Variants in NECTIN3 observed in about 807,000 individuals in gnomAD.
NECTIN3 encodes nectin-3.
NECTIN3 carries 8 observed loss-of-function variants against 49.4 expected under a neutral mutation model. The observed-to-expected ratio is 0.16, with a 90% confidence interval of 0.10 to 0.29. The LOEUF (loss-of-function observed/expected upper bound fraction) is 0.29. Ranked by LOEUF, NECTIN3 falls within the 10% of genes least tolerant of loss-of-function variation. The pLI is 1.00. For missense variants in NECTIN3, 581 were observed against 654.6 expected (o/e 0.89, Z 1.23); for synonymous variants, 277 against 241.1 (o/e 1.15, Z -1.38).
At chr3:111,141,665 A>C (rs765387124), downstream of NECTIN3, among the ~76,000 whole-genome samples, 1 of 151,836 alleles carries the variant, frequency 6.6e-6, no homozygotes, top group Non-Finnish European at 1.5e-5. Context: ...TTTTGGAGGT[A>C]AGTTTCCAGT....
chr3:111,135,145 A>C lies in NECTIN3; in HGVS notation c.*930A>C. ...GACTTTCAGCCAACAATCTATAGAA[A>C]GAATTTTATGGACCATCTTGTTTTA... On this transcript the variant is annotated 3_prime_UTR_variant, in exon 6 of 6. Transcript: ENST00000485303. 1.0e-6 allele frequency: 1 copy of C among 982,178 alleles called. No homozygotes were observed. The highest frequency in any genetic ancestry group is 1.2e-6 in the Non-Finnish European group (1 of 827,062). 60.8% of individuals were successfully genotyped at this position (982,178 alleles called of 1,614,324 possible). A position where few individuals can be genotyped will look rare whatever the true frequency, so the allele number is the denominator to read the frequency against.
At chr3:111,074,091 C>T (rs878992118) in intron 1 of NECTIN3, 2 of 383,506 alleles carry the variant, frequency 5.2e-6, no homozygotes, top group Non-Finnish European at 1.0e-5. Flanking sequence ...CTCATTTAAA[C>T]AGCTTCCTTT....
At chr3:111,168,554 G>T (rs895934843) in intron 7 of NECTIN3, among the ~76,000 whole-genome samples, 3 of 152,072 alleles carry the variant, frequency 2.0e-5, no homozygotes, top group African/African-American at 7.2e-5. Context: ...TGTCAGCACT[G>T]CCCTGTCTTA....
At position 111,097,236 on chromosome 3, in the gene NECTIN3, T is replaced by TA. The variant is rs562039317; in HGVS notation, c.161-14794_161-14793insA. On this transcript the variant is annotated intron_variant, in intron 1 of 5. Transcript: ENST00000485303. Reference sequence around the variant, plus strand: ...TAAGTTTTGCCTGCCCCACTGGACTTCAGCCCCTTTGTTTTGGCCAGTGTC... The same window carrying TA: ...TAAGTTTTGCCTGCCCCACTGGACTTACAGCCCCTTTGTTTTGGCCAGTGTC... Among the ~76,000 whole-genome samples, 471 of 152,236 alleles carry TA rather than the reference T, an allele frequency of 3.1e-3. 2 individuals are homozygous for TA. The highest frequency in any genetic ancestry group is 0.011 in the African/African-American group (445 of 41,554).
At chr3:111,149,573 T>A (rs1225379254) in intron 7 of NECTIN3, among the ~76,000 whole-genome samples, 1 of 151,350 alleles carries the variant, frequency 6.6e-6, no homozygotes, top group African/African-American at 2.4e-5. Flanking sequence ...ATTTTGATAG[T>A]CACTGGGATT....
At chr3:111,174,634 C>T (rs1233574187) in intron 7 of NECTIN3, among the ~76,000 whole-genome samples, 5 of 150,660 alleles carry the variant, frequency 3.3e-5, no homozygotes, top group Non-Finnish European at 7.4e-5. Flanking sequence ...GGTACTGAAA[C>T]GGGAGGGTTC....
chr3:111,139,961 C>T (rs1328005140), downstream of NECTIN3, among the ~76,000 whole-genome samples: 1 of 151,776 alleles, frequency 6.6e-6, no homozygotes, highest in African/African-American at 2.4e-5. Context: ...TTTTTTATTA[C>T]TAAAACATTT....
chr3:111,130,954 T>C (rs1028405059), intron 5 of NECTIN3, among the ~76,000 whole-genome samples: 1 of 152,108 alleles, frequency 6.6e-6, no homozygotes, highest in Non-Finnish European at 1.5e-5. Flanking sequence ...TGTCTAAAAC[T>C]CTTATTCCTG....
chr3:111,133,505 GA>G, intron 5 of NECTIN3, 129 bp from the exon 6 acceptor site: 1 of 1,310,570 alleles, frequency 7.6e-7, no homozygotes, highest in Non-Finnish European at 1.0e-6. Flanking sequence ...ATCAAATTAA[GA>G]ATGAAAAACT....
chr3:111,100,302 A>C (rs1203372065), intron 1 of NECTIN3, among the ~76,000 whole-genome samples: 1 of 152,156 alleles, frequency 6.6e-6, no homozygotes, highest in Non-Finnish European at 1.5e-5. Flanking sequence ...AACTTCTAAG[A>C]AGATATTTAC....
chr3:111,114,214 A>C (rs966102704), intron 2 of NECTIN3, among the ~76,000 whole-genome samples: 1 of 151,976 alleles, frequency 6.6e-6, no homozygotes, highest in Admixed American at 6.6e-5. Context: ...TCAAAAACCC[A>C]AGTCTTATCA....
Position 111,178,970 on chromosome 3 carries a change from T to C in NECTIN3, c.1222-13381T>C, listed in dbSNP as rs1165695508. Among the ~76,000 whole-genome samples the C allele has an allele frequency of 2.0e-5, 3 of 152,252 alleles. No homozygotes were observed. In the East Asian group the frequency reaches 5.8e-4, roughly 29 times the overall value. Reference sequence around the variant, plus strand: ...AGACTATGAGTATAACCAAAGCATCTTAAACAGTGCTTGTCTTACTATAAA... The same window carrying C: ...AGACTATGAGTATAACCAAAGCATCCTAAACAGTGCTTGTCTTACTATAAA... On this transcript the variant is annotated intron_variant, in intron 7 of 8. Transcript: ENST00000493615.
intron 1 of NECTIN3, among the ~76,000 whole-genome samples, chr3:111,091,074 T>G (rs976676158): frequency 1.3e-5 from 2 of 152,110 alleles, no homozygotes; most frequent in African/African-American, 4.8e-5. Context: ...TATAGAGTTA[T>G]GCAGCTATCA....
At chr3:111,133,151 T>C (rs2034452039) in intron 5 of NECTIN3, among the ~76,000 whole-genome samples, 1 of 151,940 alleles carries the variant, frequency 6.6e-6, no homozygotes, top group African/African-American at 2.4e-5. Context: ...AAATAAACCA[T>C]ATTATTAATA....
At chr3:111,083,024 G>A (rs73229105) in intron 1 of NECTIN3, among the ~76,000 whole-genome samples, 4,439 of 152,256 alleles carry the variant, frequency 0.029, 110 homozygotes, top group Non-Finnish European at 0.045. Context: ...TAATACAAGC[G>A]ATGGGGAGCA....
Position 111,072,066 on chromosome 3 carries a change from G to A in NECTIN3, c.49G>A (p.Ala17Thr). 2.6e-6 allele frequency: 4 copies of A among 1,548,930 alleles called. No individual in the cohort carries two copies. Among genetic ancestry groups the A allele is most frequent in the South Asian group, 2.4e-5 (2 of 83,774 alleles). ...PSPLCPGGGKAQLSSASLLGA... is the reference protein window; with the variant it reads ...PSPLCPGGGKTQLSSASLLGA... ...CCCGCTGTGTCCTGGAGGCGGCAAA[G>A]CACAACTTTCCTCCGCTTCTCTCCT... Residue 17 changes from alanine (A) to threonine (T), a missense_variant, in exon 1 of 6, where the codon GCA becomes ACA. Coordinates refer to ENST00000485303, the MANE Select transcript of NECTIN3 (RefSeq NM_015480.3).
At chr3:111,183,154 T>C (rs1214436085) in intron 7 of NECTIN3, among the ~76,000 whole-genome samples, 1 of 152,040 alleles carries the variant, frequency 6.6e-6, no homozygotes, top group Non-Finnish European at 1.5e-5. Context: ...GACAATACAT[T>C]ATTACTATTT....
chr3:111,139,441 T>C (rs1302236249), downstream of NECTIN3, among the ~76,000 whole-genome samples: 1 of 151,750 alleles, frequency 6.6e-6, no homozygotes, highest in African/African-American at 2.4e-5. Flanking sequence ...CACACATGCC[T>C]CTGTATTTTC....
intron 1 of NECTIN3, among the ~76,000 whole-genome samples, chr3:111,091,823 G>A (rs900813348): frequency 1.3e-5 from 2 of 152,174 alleles, no homozygotes; most frequent in East Asian, 1.9e-4. Context: ...TTACCTGCAA[G>A]TGAAATTGCT....
Sources: gnomAD v4.1 joint callset for allele counts (sites outside exome capture counted in the v4.1 genomes callset) on GRCh38, gnomAD v4.1.1 for gene constraint, MANE v1.5 for transcripts, NCBI Gene and HGNC (gene_info 2026-07-23, HGNC 2026-07-21) for gene names.